PARP10: variants seen among roughly 807,000 people sequenced by gnomAD.
PARP10 encodes poly(ADP-ribose) polymerase family member 10.
A neutral mutation model predicts 82.4 loss-of-function variants in PARP10; 56 were observed. The ratio of observed to expected loss-of-function variants is 0.68; its 90% confidence interval spans 0.55 to 0.85. The LOEUF (loss-of-function observed/expected upper bound fraction) is 0.85. Among genes scored for constraint, PARP10 ranks in the 40% least tolerant of loss-of-function variants. The probability of loss-of-function intolerance (pLI) is 0.00; values close to 1 mark genes in which losing one functional copy is unlikely to be tolerated. For missense variants in PARP10, 1,227 were observed against 1,379.4 expected, an observed-to-expected ratio of 0.89 and a Z score of 1.75; for synonymous variants, 576 against 601.1, an observed-to-expected ratio of 0.96 and a Z score of 0.61.
At chr8:143,992,424 C>T (rs782753656), upstream of PARP10, 1 of 1,613,238 alleles carries the variant, frequency 6.2e-7, no homozygotes, top group Non-Finnish European at 8.5e-7. Context: ...GAGCAGCTTT[C>T]CCAGGCCCAG....
chr8:143,977,889 G>T lies in PARP10; in HGVS notation c.2731+18C>A. The T allele has an allele frequency of 6.2e-6, 10 of 1,600,714 alleles. No individual in the cohort carries two copies. The highest frequency in any genetic ancestry group is 7.6e-6 in the Non-Finnish European group (9 of 1,178,104). The stretch of plus-strand genomic sequence containing the variant: ...CGGGGTGCGCAGAGCCCCCGCCCCT[G>T]CCCGGCTCAGGCCTCACCGTTGCGG... On this transcript the variant is annotated intron_variant, in intron 10 of 10. Transcript: ENST00000313028.
At chr8:143,981,128 A>G (rs1554747593) in intron 9 of PARP10, among the ~76,000 whole-genome samples, 1 of 152,238 alleles carries the variant, frequency 6.6e-6, no homozygotes, top group Non-Finnish European at 1.5e-5. Context: ...AAAGTCATCA[A>G]GGTGCTCACC....
chr8:144,005,104 G>A (rs1409626177), intron 1 of PARP10, among the ~76,000 whole-genome samples: 3 of 151,784 alleles, frequency 2.0e-5, no homozygotes, highest in Admixed American at 6.6e-5. Context: ...ACTTGAGCCC[G>A]GGAGGCAGAG....
chr8:143,986,020 G>C (rs1833982414), intron 2 of PARP10, 35 bp downstream of exon 2: 1 of 1,607,286 alleles, frequency 6.2e-7, no homozygotes, highest in Non-Finnish European at 8.5e-7. Context: ...AGAATATCAG[G>C]GCACCCAGGC....
chr8:144,010,179 G>T (rs1245472474), intron 1 of PARP10, among the ~76,000 whole-genome samples: 1 of 152,194 alleles, frequency 6.6e-6, no homozygotes, highest in Non-Finnish European at 1.5e-5. Flanking sequence ...CAGCACCAGT[G>T]CCTCTCCCAG....
chr8:143,992,117 C>T, upstream of PARP10: 7 of 1,603,996 alleles, frequency 4.4e-6, no homozygotes, highest in Non-Finnish European at 6.0e-6. Context: ...TGGGTCCGGC[C>T]ATGCAGTCCC....
chr8:144,004,731 TGAGA>T (rs1231065957), intron 1 of PARP10, among the ~76,000 whole-genome samples: 3 of 152,174 alleles, frequency 2.0e-5, no homozygotes, highest in African/African-American at 7.2e-5. Context: ...AGATTATATC[TGAGA>T]GACAGTGTTT....
chr8:143,991,954 A>G, upstream of PARP10: 3 of 1,613,762 alleles, frequency 1.9e-6, no homozygotes, highest in Non-Finnish European at 2.5e-6. Flanking sequence ...GCGGAGGTGA[A>G]GGGCTTTGTC....
rs1564252487 is a variant in PARP10 at position 143,984,997 on chromosome 8, CAGAG to C, written c.1001_1004del (p.Ser334Ter). Reference sequence around the variant, plus strand: ...CCAGAGACCCCATGGGACCTGTCCTCAGAGAGGTCCCTGACTGCCCTGGTTCCTG... The same window carrying C: ...CCAGAGACCCCATGGGACCTGTCCTCAGGTCCCTGACTGCCCTGGTTCCTG... On this transcript the variant is annotated frameshift_variant, in exon 5 of 11. Coordinates refer to ENST00000313028, the MANE Select transcript of PARP10 (RefSeq NM_032789.5). LOFTEE classifies it high-confidence loss of function. The C allele has an allele frequency of 1.9e-6, 3 of 1,613,980 alleles. No homozygotes were observed. Among genetic ancestry groups the C allele is most frequent in the Non-Finnish European group, 1.7e-6 (2 of 1,180,006 alleles).
At chr8:143,996,626 G>A (rs190276348) in intron 1 of PARP10, among the ~76,000 whole-genome samples, 1 of 152,324 alleles carries the variant, frequency 6.6e-6, no homozygotes, top group Admixed American at 6.5e-5. Flanking sequence ...GTGAAAGGAA[G>A]GAATGACCTT....
At chr8:143,999,649 C>T (rs1426090550) in intron 1 of PARP10, among the ~76,000 whole-genome samples, 2 of 140,266 alleles carry the variant, frequency 1.4e-5, no homozygotes, top group East Asian at 2.0e-4. Flanking sequence ...TCAAATTGAG[C>T]TTCTTTTTTT....
rs150818450 is a variant in PARP10 at position 143,982,942 on chromosome 8, C to T, written c.2546G>A (p.Arg849His). 1,621 of 1,613,732 alleles carry T rather than the reference C, an allele frequency of 1.0e-3. 8 individuals carry two copies. The highest frequency in any genetic ancestry group is 4.9e-3 in the East Asian group (221 of 44,890). ...DTLDAARSSI[R>H]VVRVERVSHP... ...AGGGCATGGACTCACACGAACGACG[C>T]GGATGCTGCTGCGGGCAGCGTCCAG... Residue 849 changes from arginine to histidine, a missense_variant, in exon 9 of 11, where the codon CGC (arginine) becomes CAC (histidine). Arg to His is a conservative substitution (Grantham distance 29). Transcript: ENST00000313028.
At chr8:143,990,143 C>T (rs1352978709), upstream of PARP10, 1 of 150,864 alleles carries the variant, frequency 6.6e-6, no homozygotes, top group African/African-American at 2.4e-5. The surrounding 1 kb of genome is among the most constrained non-coding windows in gnomAD (Gnocchi z 5.6). Context: ...CATCGGCCAT[C>T]ACCGCGCGGC....
chr8:143,982,251 C>T (rs1036273570), intron 9 of PARP10, among the ~76,000 whole-genome samples: 6 of 152,086 alleles, frequency 3.9e-5, no homozygotes, highest in Admixed American at 2.6e-4. Context: ...GGGCGGATCA[C>T]GAGGTCAGTA....
At chr8:143,995,096 T>G (rs1035249322), upstream of PARP10, among the ~76,000 whole-genome samples, 3 of 151,524 alleles carry the variant, frequency 2.0e-5, no homozygotes, top group Non-Finnish European at 2.9e-5. Context: ...GCTCCAGAGG[T>G]GTGGGACAGG....
chr8:143,992,656 G>T (rs1429649780), upstream of PARP10: 10 of 1,613,800 alleles, frequency 6.2e-6, no homozygotes, highest in Non-Finnish European at 7.6e-6. Context: ...GGGCAGGCAG[G>T]CTTGTCCCTC....
At chr8:144,012,687 G>A in exon 1 of PARP10, 1 of 1,551,654 alleles carries the variant, frequency 6.4e-7, no homozygotes, top group Admixed American at 2.0e-5. Flanking sequence ...GAGTGGGCTT[G>A]GTGAGGCAAC....
upstream of PARP10, chr8:143,991,445 C>T: frequency 3.4e-6 from 5 of 1,469,502 alleles, no homozygotes; most frequent in Non-Finnish European, 3.6e-6. Flanking sequence ...AGGGTCCCTA[C>T]CCCCAAGGGG....
chr8:143,988,430 G>A (rs1834038108), upstream of PARP10, among the ~76,000 whole-genome samples: 2 of 147,262 alleles, frequency 1.4e-5, no homozygotes, highest in Admixed American at 6.8e-5. Context: ...GATTACTGGT[G>A]CCAGCCACCA....
Sources: gnomAD v4.1 joint callset for allele counts (sites outside exome capture counted in the v4.1 genomes callset) on GRCh38, gnomAD v4.1.1 for gene constraint, Gnocchi (gnomAD v3.1) non-coding constraint, MANE v1.5 for transcripts, NCBI Gene and HGNC (gene_info 2026-07-23, HGNC 2026-07-21) for gene names.